The following ZC3H13 variants were observed in gnomAD, a reference collection of about 807,000 sequenced individuals.
ZC3H13 encodes zinc finger CCCH-type containing 13.
In ZC3H13, 64 loss-of-function variants were observed where a neutral mutation model predicts 204.1. The observed-to-expected ratio is 0.31, with a 90% CI of 0.26 to 0.39. ZC3H13 has a LOEUF of 0.39. ZC3H13 is among the 10% of genes least tolerant of loss of function. ZC3H13 has a pLI of 1.00. For missense variants in ZC3H13, 1,833 were observed against 2,082.7 expected (o/e 0.88, Z 2.33); for synonymous variants, 667 against 693.7 (o/e 0.96, Z 0.60).
intron 7 of ZC3H13, among the ~76,000 whole-genome samples, chr13:46,005,677 C>A (rs1254283930): frequency 6.6e-6 from 1 of 152,086 alleles, no homozygotes; most frequent in African/African-American, 2.4e-5. Flanking sequence ...TTTGTAGAGA[C>A]AGGGTTTTAT....
chr13:46,049,350 T>C (rs2044239725), intron 1 of ZC3H13, among the ~76,000 whole-genome samples: 1 of 152,058 alleles, frequency 6.6e-6, no homozygotes, highest in Non-Finnish European at 1.5e-5. Context: ...GTGATATATA[T>C]ATGTGTGTGT....
chr13:45,961,684 C>A (rs935788278), intron 17 of ZC3H13, among the ~76,000 whole-genome samples: 15 of 151,608 alleles, frequency 9.9e-5, no homozygotes, highest in African/African-American at 3.6e-4. Context: ...GTTGTAGAAA[C>A]TGTTATTGTC....
At chr13:46,013,279 T>C (rs988294567) in intron 5 of ZC3H13, among the ~76,000 whole-genome samples, 1 of 151,936 alleles carries the variant, frequency 6.6e-6, no homozygotes, top group African/African-American at 2.4e-5. Flanking sequence ...CTGGGCGAGG[T>C]GGCGCGTGCC....
At chr13:45,999,975 G>C (rs1224940837) in intron 8 of ZC3H13, among the ~76,000 whole-genome samples, 1 of 152,146 alleles carries the variant, frequency 6.6e-6, no homozygotes, top group African/African-American at 2.4e-5. Context: ...GTAGTATTTT[G>C]AATGGAATCT....
At position 45,976,361 on chromosome 13, in the gene ZC3H13, T is replaced by C. The variant is rs888204324; in HGVS notation, c.1913-523A>G. 10 of 605,386 alleles carry C rather than the reference T, an allele frequency of 1.7e-5. No individual in the cohort carries two copies. The Admixed American group carries it at 4.4e-4, about 27-fold the overall frequency. 37.5% of individuals were successfully genotyped at this position (605,386 alleles called of 1,614,324 possible). On this transcript the variant is annotated intron_variant, in intron 11 of 18. Coordinates refer to ENST00000679008, the MANE Select transcript of ZC3H13 (RefSeq NM_001330564.2). ...GTGCAGCTATTATGTGAGGAAAATATAGTAGAACAAAACATATGTCAGAAT... is the reference window on the plus strand; with the variant it reads ...GTGCAGCTATTATGTGAGGAAAATACAGTAGAACAAAACATATGTCAGAAT...
intron 5 of ZC3H13, among the ~76,000 whole-genome samples, chr13:46,014,700 C>G (rs1324600193): frequency 6.6e-6 from 1 of 152,134 alleles, no homozygotes; most frequent in Admixed American, 6.5e-5. Context: ...TTAAATAATT[C>G]TGAATACACA....
chr13:45,957,111 A>G lies in ZC3H13; in HGVS notation c.*16T>C. The G allele has an allele frequency of 6.8e-7, 1 of 1,462,658 alleles. No individual in the cohort carries two copies. Among genetic ancestry groups the G allele is most frequent in the Non-Finnish European group, 9.1e-7 (1 of 1,096,074 alleles). 90.6% of individuals were successfully genotyped at this position (1,462,658 alleles called of 1,614,324 possible). ...GAAGGAAGACAGTACCAAAAATACC[A>G]TATTGAACTTCGGTCTTAAGACACA... On this transcript the variant is annotated 3_prime_UTR_variant, in exon 19 of 19. Coordinates refer to ENST00000679008, the MANE Select transcript of ZC3H13 (RefSeq NM_001330564.2).
chr13:46,027,348 TG>T (rs1237850369), intron 4 of ZC3H13, among the ~76,000 whole-genome samples: 1 of 152,150 alleles, frequency 6.6e-6, no homozygotes, highest in East Asian at 1.9e-4. Context: ...TCAAGCAATC[TG>T]CCTGCCTTGG....
At chr13:46,038,697 G>A (rs2043367225) in intron 4 of ZC3H13, among the ~76,000 whole-genome samples, 5 of 152,134 alleles carry the variant, frequency 3.3e-5, no homozygotes, top group Admixed American at 3.3e-4. Flanking sequence ...CCATAAAAAT[G>A]ATCAGTATCT....
chr13:46,030,956 G>A (rs138617998), intron 4 of ZC3H13, among the ~76,000 whole-genome samples: 53 of 152,044 alleles, frequency 3.5e-4, no homozygotes, highest in African/African-American at 1.0e-3. Context: ...CATTCTATAT[G>A]GAGAACCAGA....
intron 1 of ZC3H13, among the ~76,000 whole-genome samples, chr13:46,051,091 T>C (rs1020134612): frequency 6.6e-6 from 1 of 152,216 alleles, no homozygotes; most frequent in Non-Finnish European, 1.5e-5. Flanking sequence ...GTTTCCTCTA[T>C]GTAAATGCCA....
At chr13:45,961,794 C>T (rs1345485279) in intron 17 of ZC3H13, among the ~76,000 whole-genome samples, 1 of 152,104 alleles carries the variant, frequency 6.6e-6, no homozygotes, top group Admixed American at 6.5e-5. Context: ...ATTTTCCATA[C>T]ATGATTATTA....
intron 3 of ZC3H13, 47 bp from the exon 4 acceptor site, chr13:46,042,322 C>T (rs2043644041): frequency 7.5e-7 from 1 of 1,334,922 alleles, no homozygotes; most frequent in Non-Finnish European, 1.1e-6. Flanking sequence ...AACAAAACAA[C>T]AAAAATCTGT....
chr13:46,020,089 A>G (rs1178091889), intron 5 of ZC3H13, among the ~76,000 whole-genome samples: 1 of 152,218 alleles, frequency 6.6e-6, no homozygotes, highest in Admixed American at 6.5e-5. Flanking sequence ...TTAAGATTTA[A>G]AAATCTCATT....
At chr13:46,029,487 G>A (rs2042746999) in intron 4 of ZC3H13, among the ~76,000 whole-genome samples, 1 of 145,792 alleles carries the variant, frequency 6.9e-6, no homozygotes, top group African/African-American at 2.5e-5. Context: ...GGAGTGCAGT[G>A]GCGCGATCTC....
chr13:45,971,073 G>T (rs1215129828), intron 12 of ZC3H13, among the ~76,000 whole-genome samples: 3 of 152,160 alleles, frequency 2.0e-5, no homozygotes, highest in African/African-American at 7.2e-5. Flanking sequence ...TGCCAAATAT[G>T]TTGTGGGTAC....
intron 10 of ZC3H13, among the ~76,000 whole-genome samples, chr13:45,981,895 C>A (rs1436745433): frequency 1.3e-5 from 2 of 150,788 alleles, no homozygotes; most frequent in Non-Finnish European, 3.0e-5. Context: ...GGAGGGATAG[C>A]ATTAGGAGAT....
intron 10 of ZC3H13, among the ~76,000 whole-genome samples, chr13:45,983,267 A>G (rs1953820584): frequency 6.6e-6 from 1 of 151,322 alleles, no homozygotes; most frequent in South Asian, 2.1e-4. Context: ...TTTTCTGACA[A>G]CTAAAATGGG....
chr13:45,964,746 A>C (rs900415301), intron 16 of ZC3H13, among the ~76,000 whole-genome samples: 2 of 152,224 alleles, frequency 1.3e-5, no homozygotes, highest in African/African-American at 4.8e-5. Context: ...ATGATTCAAG[A>C]GGAATATTAA....
Sources: allele counts gnomAD v4.1 joint callset (sites outside exome capture counted in the v4.1 genomes callset), GRCh38; gene constraint gnomAD v4.1.1; transcripts MANE v1.5; gene names NCBI Gene and HGNC (gene_info 2026-07-23, HGNC 2026-07-21).